Variants in CPQ observed in about 807,000 individuals in gnomAD.
CPQ encodes carboxypeptidase Q, also known as Ser-Met dipeptidase.
In CPQ, 37 loss-of-function variants were observed where a neutral mutation model predicts 45.7. That is an observed-to-expected ratio of 0.81 (90% CI 0.62 to 1.07). The LOEUF is 1.07. Among genes scored for constraint, CPQ ranks in the 50% least tolerant of loss-of-function variants. The pLI, the probability that CPQ is intolerant of heterozygous loss-of-function variation, is 0.00. For synonymous variants in CPQ, 186 were observed against 205.8 expected (o/e 0.90, Z 0.82); for missense variants, 537 against 572.9 (o/e 0.94, Z 0.64).
chr8:97,059,504 G>A (rs1219949565), intron 6 of CPQ, among the ~76,000 whole-genome samples: 1 of 152,120 alleles, frequency 6.6e-6, no homozygotes, highest in East Asian at 1.9e-4. Flanking sequence ...AAAACTGAGT[G>A]CTGGAGACTG....
chr8:96,924,198 G>A (rs371569531), intron 4 of CPQ, among the ~76,000 whole-genome samples: 1 of 152,162 alleles, frequency 6.6e-6, no homozygotes, highest in Non-Finnish European at 1.5e-5. Context: ...TGATTCCATA[G>A]CATCTGCTTC....
chr8:96,853,647 GT>G (rs1281402409), intron 3 of CPQ, among the ~76,000 whole-genome samples: 1 of 151,734 alleles, frequency 6.6e-6, no homozygotes, highest in East Asian at 1.9e-4. Context: ...GAATTTACGT[GT>G]TTTGAAAGGT....
Position 96,740,702 on chromosome 8 carries a change from A to C in CPQ, c.-34-44162A>C, listed in dbSNP as rs201534066. 3.3e-3 allele frequency among the ~76,000 whole-genome samples: 505 copies of C among 151,396 alleles called. 6 individuals carry two copies. Among genetic ancestry groups the C allele is most frequent in the African/African-American group, 0.011 (434 of 41,152 alleles). Reference sequence around the variant, plus strand: ...TGTTGAATTTTGTCAAAGGCCTTTTATGCATCTATTGAGATAATCATGTGG... The same window carrying C: ...TGTTGAATTTTGTCAAAGGCCTTTTCTGCATCTATTGAGATAATCATGTGG... On this transcript the variant is annotated intron_variant, in intron 1 of 7. Coordinates refer to ENST00000220763, the MANE Select transcript of CPQ (RefSeq NM_016134.4).
chr8:96,994,902 G>C (rs924858359), intron 5 of CPQ, among the ~76,000 whole-genome samples: 7 of 152,026 alleles, frequency 4.6e-5, no homozygotes, highest in African/African-American at 1.7e-4. Context: ...CATTGTGTGG[G>C]ACATTGGTCA....
intron 2 of CPQ, among the ~76,000 whole-genome samples, chr8:96,814,691 G>A (rs1246940732): frequency 6.6e-6 from 1 of 152,128 alleles, no homozygotes. Context: ...GTAAGGCACA[G>A]GTGCTAACAT....
In CPQ at chr8:96,699,327, G is replaced by A. The variant is rs1215788800; in HGVS notation, c.-35+53925G>A. The stretch of plus-strand genomic sequence containing the variant: ...AGAGAGTGGGATGAAGGTTACCAGA[G>A]GCTGAGAAAGGTAGTAGGGGGCTGG... On this transcript the variant is annotated intron_variant, in intron 1 of 7. Coordinates refer to ENST00000220763, the MANE Select transcript of CPQ (RefSeq NM_016134.4). Among the ~76,000 whole-genome samples, 8 of 152,272 alleles carry A rather than the reference G, an allele frequency of 5.3e-5. No homozygotes were observed. In the East Asian group the frequency reaches 1.5e-3, roughly 29 times the overall value.
chr8:96,808,586 G>A (rs1161946406), intron 2 of CPQ, among the ~76,000 whole-genome samples: 2 of 152,156 alleles, frequency 1.3e-5, no homozygotes, highest in African/African-American at 4.8e-5. Flanking sequence ...CTCATGTTAA[G>A]GCATGTAGGA....
chr8:97,047,972 G>A (rs926464772), intron 6 of CPQ, among the ~76,000 whole-genome samples: 3 of 152,122 alleles, frequency 2.0e-5, no homozygotes, highest in Non-Finnish European at 4.4e-5. Flanking sequence ...TTTCCCATGT[G>A]TATAGAGCTT....
intron 4 of CPQ, among the ~76,000 whole-genome samples, chr8:96,916,303 G>T (rs1484761931): frequency 6.6e-6 from 1 of 152,068 alleles, no homozygotes; most frequent in Non-Finnish European, 1.5e-5. Flanking sequence ...AATAGTGAAG[G>T]TTATTGCATA....
intron 3 of CPQ, among the ~76,000 whole-genome samples, chr8:96,875,161 C>T (rs1024720062): frequency 2.0e-5 from 3 of 151,674 alleles, no homozygotes; most frequent in East Asian, 1.9e-4. Context: ...ATTATTTTCC[C>T]GTTTTCATAA....
chr8:97,143,038 A>T lies in CPQ; in HGVS notation c.1274A>T (p.Asp425Val). 6.2e-7 allele frequency: 1 copy of T among 1,613,856 alleles called. No homozygotes were observed. The highest frequency in any genetic ancestry group is 8.5e-7 in the Non-Finnish European group (1 of 1,179,844). Residue 425 changes from aspartate (D) to valine (V), a missense_variant, in exon 8 of 8, where the codon GAC (aspartate) becomes GTC (valine). By Grantham distance (152) the Asp-to-Val change is radical. Coordinates refer to ENST00000220763, the MANE Select transcript of CPQ (RefSeq NM_016134.4). Reference sequence around the variant, plus strand: ...TCCCCAGGAGCCAGTCTACTTGATGACTTATACAAGTATTTCTTCTTCCAT... The same window carrying T: ...TCCCCAGGAGCCAGTCTACTTGATGTCTTATACAAGTATTTCTTCTTCCAT... Reference protein sequence around the residue: ...AGVPGASLLDDLYKYFFFHHS... With the variant: ...AGVPGASLLDVLYKYFFFHHS...
chr8:96,882,806 T>G (rs1421938543), intron 4 of CPQ, among the ~76,000 whole-genome samples: 2 of 152,136 alleles, frequency 1.3e-5, no homozygotes, highest in African/African-American at 2.4e-5. Flanking sequence ...TTATATAAAA[T>G]AAATCAACCA....
chr8:97,098,310 C>T (rs1811242882), intron 7 of CPQ, among the ~76,000 whole-genome samples: 1 of 152,136 alleles, frequency 6.6e-6, no homozygotes, highest in African/African-American at 2.4e-5. Flanking sequence ...AGTCTCTGCC[C>T]TCAAGATGCT....
intron 7 of CPQ, among the ~76,000 whole-genome samples, chr8:97,072,919 G>A (rs1046557726): frequency 6.6e-6 from 1 of 152,044 alleles, no homozygotes. Context: ...CCTGGCCCTC[G>A]ACAAAATGTC....
At chr8:96,886,835 C>T (rs1386561857) in intron 4 of CPQ, among the ~76,000 whole-genome samples, 2 of 152,006 alleles carry the variant, frequency 1.3e-5, no homozygotes, top group Non-Finnish European at 2.9e-5. Context: ...GAAATTGTAC[C>T]TTTCTCTCAT....
chr8:96,675,200 A>T (rs1421445743), intron 1 of CPQ, among the ~76,000 whole-genome samples: 7 of 152,044 alleles, frequency 4.6e-5, no homozygotes, highest in Admixed American at 4.6e-4. Flanking sequence ...CCTTGCTCTA[A>T]GCCACCACTG....
chr8:96,901,191 A>G (rs907339021), intron 4 of CPQ, among the ~76,000 whole-genome samples: 1 of 152,190 alleles, frequency 6.6e-6, no homozygotes, highest in South Asian at 2.1e-4. Flanking sequence ...CAGATGGGGT[A>G]TAAAAGCTCA....
intron 1 of CPQ, among the ~76,000 whole-genome samples, chr8:96,764,345 A>T (rs1168924388): frequency 6.6e-6 from 1 of 152,202 alleles, no homozygotes; most frequent in Non-Finnish European, 1.5e-5. Flanking sequence ...AATAACAGAA[A>T]ACAGATCAGT....
chr8:97,045,114 G>C (rs1032769682), intron 6 of CPQ, among the ~76,000 whole-genome samples: 31 of 152,120 alleles, frequency 2.0e-4, no homozygotes, highest in Admixed American at 3.9e-4. Context: ...GGCAGGCAGG[G>C]CTCCTTGAGC....
Sources: allele counts gnomAD v4.1 joint callset (sites outside exome capture counted in the v4.1 genomes callset), GRCh38; gene constraint gnomAD v4.1.1; transcripts MANE v1.5; gene names NCBI Gene and HGNC (gene_info 2026-07-23, HGNC 2026-07-21).